Variants in RSPH1 observed in about 807,000 individuals in gnomAD.
RSPH1 encodes radial spoke head 1 homolog.
In RSPH1, 32 loss-of-function variants were observed where a neutral mutation model predicts 44.2. The observed-to-expected ratio is 0.72, with a 90% CI of 0.55 to 0.97. The LOEUF (loss-of-function observed/expected upper bound fraction) is 0.97. Among genes scored for constraint, RSPH1 ranks in the 50% least tolerant of loss-of-function variants. The probability of loss-of-function intolerance (pLI) is 0.00; values close to 1 mark genes in which losing one functional copy is unlikely to be tolerated. For missense variants in RSPH1, 391 were observed against 398.7 expected (o/e 0.98, Z 0.16); for synonymous variants, 134 against 147.3 (o/e 0.91, Z 0.65).
intron 1 of RSPH1, among the ~76,000 whole-genome samples, chr21:42,495,282 G>A (rs558701358): frequency 6.6e-6 from 1 of 152,318 alleles, no homozygotes; most frequent in South Asian, 2.1e-4. Flanking sequence ...CAAATCAGGC[G>A]GAAGCTGGGA....
At chr21:42,485,890 G>A in intron 4 of RSPH1, 86 bp from the exon 5 acceptor site, 1 of 1,553,514 alleles carries the variant, frequency 6.4e-7, no homozygotes, top group Non-Finnish European at 8.8e-7. Context: ...GACATTGAGG[G>A]AGGCCCAGGC....
chr21:42,491,770 G>A (rs559798570), intron 3 of RSPH1, among the ~76,000 whole-genome samples: 11 of 152,286 alleles, frequency 7.2e-5, no homozygotes, highest in African/African-American at 2.6e-4. Flanking sequence ...TAGGAGCAAA[G>A]CAAGCAACTA....
chr21:42,479,831 T>C (rs1181916769), intron 6 of RSPH1, among the ~76,000 whole-genome samples: 1 of 152,076 alleles, frequency 6.6e-6, no homozygotes, highest in East Asian at 1.9e-4. Context: ...TGCAGGTGAC[T>C]TACAGGAAGC....
intron 6 of RSPH1, among the ~76,000 whole-genome samples, chr21:42,479,646 A>T (rs1441359683): frequency 2.0e-5 from 3 of 151,986 alleles, no homozygotes; most frequent in African/African-American, 7.3e-5. Flanking sequence ...ATCCCAGCAA[A>T]ATACTAAATA....
At chr21:42,487,372 GAT>G (rs1341335132) in intron 3 of RSPH1, among the ~76,000 whole-genome samples, 1 of 152,146 alleles carries the variant, frequency 6.6e-6, no homozygotes, top group Admixed American at 6.6e-5. Flanking sequence ...TAAGCTAAAT[GAT>G]ATGTTTTGAG....
intron 4 of RSPH1, chr21:42,486,079 G>C: frequency 3.5e-6 from 2 of 578,452 alleles, no homozygotes; most frequent in Non-Finnish European, 3.1e-6. Context: ...GCTAGTGGGA[G>C]CTGTGGCTCA....
chr21:42,485,638 C>T (rs751053429), intron 5 of RSPH1, 31 bp downstream of exon 5: 5 of 1,613,602 alleles, frequency 3.1e-6, no homozygotes, highest in Non-Finnish European at 4.2e-6. Context: ...TTTTGTACTT[C>T]ATTGGCAAAT....
intron 7 of RSPH1, 53 bp downstream of exon 7, chr21:42,477,238 G>T: frequency 8.5e-7 from 1 of 1,180,448 alleles, no homozygotes; most frequent in East Asian, 3.2e-5. Context: ...ACAGCCCGGG[G>T]GTGCCCCACA....
intron 1 of RSPH1, among the ~76,000 whole-genome samples, chr21:42,495,035 A>T (rs933809747): frequency 1.3e-5 from 2 of 152,314 alleles, no homozygotes; most frequent in African/African-American, 4.8e-5. Flanking sequence ...AGAAAGTAGT[A>T]AAGAGGGCAG....
intron 8 of RSPH1, among the ~76,000 whole-genome samples, 156 bp downstream of exon 8, chr21:42,475,742 G>C (rs1343932773): frequency 8.1e-6 from 1 of 123,848 alleles, no homozygotes; most frequent in Non-Finnish European, 1.7e-5. Context: ...AACGTTCTGA[G>C]ATGGCTCCAG....
intron 3 of RSPH1, among the ~76,000 whole-genome samples, chr21:42,490,900 T>A (rs558475943): frequency 6.6e-5 from 10 of 152,250 alleles, no homozygotes; most frequent in African/African-American, 2.4e-4. Flanking sequence ...GATTAAGCTC[T>A]GTAAAAACTC....
rs201392587 is a variant in RSPH1, at chr21:42,477,280, G to T, written c.727+11C>A. 3 of 1,586,612 alleles carry T rather than the reference G, an allele frequency of 1.9e-6. No individual in the cohort carries two copies. Among genetic ancestry groups the T allele is most frequent in the East Asian group, 2.3e-5 (1 of 43,210 alleles). ...GCCCCCTCCACCCCACAGCCCGGGG[G>T]TGCCCCACACTCTCAGCTCCTGGAG... On this transcript the variant is annotated intron_variant, in intron 7 of 8. Coordinates refer to ENST00000291536, the MANE Select transcript of RSPH1 (RefSeq NM_080860.4).
chr21:42,489,546 T>C (rs1309287651), intron 3 of RSPH1, among the ~76,000 whole-genome samples: 1 of 152,208 alleles, frequency 6.6e-6, no homozygotes, highest in Non-Finnish European at 1.5e-5. Context: ...GGTTGGTCAC[T>C]GGTTTGCCAT....
At chr21:42,487,763 T>C (rs748962788) in intron 3 of RSPH1, among the ~76,000 whole-genome samples, 2 of 152,224 alleles carry the variant, frequency 1.3e-5, no homozygotes, top group African/African-American at 2.4e-5. Context: ...GAATACCCAA[T>C]AGGCTAAGAA....
chr21:42,482,492 A>G, intron 6 of RSPH1, 145 bp downstream of exon 6: 1 of 613,146 alleles, frequency 1.6e-6, no homozygotes, highest in South Asian at 2.0e-5. Flanking sequence ...GTACTAACAC[A>G]TGCAGATAAG....
At chr21:42,495,057 T>C (rs549005843) in intron 1 of RSPH1, among the ~76,000 whole-genome samples, 47 of 152,232 alleles carry the variant, frequency 3.1e-4, no homozygotes, top group African/African-American at 1.0e-3. Context: ...GAAGTAGACA[T>C]GAAAGGGCAG....
At chr21:42,475,213 A>G (rs1162496325) in intron 8 of RSPH1, among the ~76,000 whole-genome samples, 1 of 152,164 alleles carries the variant, frequency 6.6e-6, no homozygotes, top group Non-Finnish European at 1.5e-5. Flanking sequence ...AAGTTTCTAG[A>G]TTAATCTTAC....
At chr21:42,487,331 T>C (rs555420150) in intron 3 of RSPH1, among the ~76,000 whole-genome samples, 2 of 152,346 alleles carry the variant, frequency 1.3e-5, no homozygotes, top group African/African-American at 4.8e-5. Context: ...AGGTGACTGC[T>C]CTTAAAAACG....
intron 5 of RSPH1, chr21:42,485,395 G>A (rs1055294027): frequency 2.2e-5 from 10 of 458,680 alleles, no homozygotes; most frequent in African/African-American, 1.4e-4. Flanking sequence ...ATGCCCTCTC[G>A]TGTTATATAA....
Sources: allele counts gnomAD v4.1 joint callset (sites outside exome capture counted in the v4.1 genomes callset), GRCh38; gene constraint gnomAD v4.1.1; transcripts MANE v1.5; gene names NCBI Gene and HGNC (gene_info 2026-07-23, HGNC 2026-07-21).